The following PAK3 variants were observed in gnomAD, a reference collection of about 807,000 sequenced individuals.
The protein encoded by PAK3 is serine/threonine-protein kinase PAK 3.
In PAK3, 4 loss-of-function variants were observed where a neutral mutation model predicts 41.0. The observed-to-expected ratio is 0.10, with a 90% CI of 0.05 to 0.22. The LOEUF is 0.22. Ranked by LOEUF, PAK3 falls within the 10% of genes least tolerant of loss-of-function variation. The pLI is 1.00. For synonymous variants in PAK3, 146 were observed against 139.6 expected (o/e 1.05, Z -0.32); for missense variants, 205 against 409.9 (o/e 0.50, Z 4.32).
chrX:111,132,389 C>A (rs889328332), intron 5 of PAK3, among the ~76,000 whole-genome samples: 2 of 111,129 alleles, frequency 1.8e-5, no homozygotes, highest in African/African-American at 6.5e-5. Context: ...CCTGTGACTA[C>A]AAAAGTTGCT....
chrX:111,037,069 C>T (rs1000162219), intron 1 of PAK3, among the ~76,000 whole-genome samples: 1 of 111,104 alleles, frequency 9.0e-6, no homozygotes, highest in East Asian at 2.8e-4. Flanking sequence ...CCCAGCCTCC[C>T]GAGCAGTCGG....
At chrX:110,948,221 A>G (rs758867850) in intron 1 of PAK3, among the ~76,000 whole-genome samples, 1 of 112,355 alleles carries the variant, frequency 8.9e-6, no homozygotes, top group Admixed American at 9.4e-5. Context: ...AGGTATCATC[A>G]GTACAGCCTT....
At chrX:111,187,379 T>C (rs2094521089) in intron 11 of PAK3, among the ~76,000 whole-genome samples, 2 of 112,124 alleles carry the variant, frequency 1.8e-5, no homozygotes, top group African/African-American at 6.5e-5. Context: ...ATAATAATTA[T>C]CATTACTGCT....
intron 1 of PAK3, among the ~76,000 whole-genome samples, chrX:110,945,233 G>T (rs893897655): frequency 9.0e-6 from 1 of 111,608 alleles, no homozygotes; most frequent in Non-Finnish European, 1.9e-5. Context: ...GTGTGTGTGT[G>T]TGTGTGTGCG....
chrX:111,021,458 C>A (rs948412701), intron 1 of PAK3, among the ~76,000 whole-genome samples: 1 of 111,951 alleles, frequency 8.9e-6, no homozygotes, highest in Non-Finnish European at 1.9e-5. Context: ...TACAGCTTAG[C>A]TCTCAGGAAG....
chrX:111,042,092 A>G (rs1250826441), intron 1 of PAK3, among the ~76,000 whole-genome samples: 2 of 112,050 alleles, frequency 1.8e-5, no homozygotes, highest in East Asian at 5.7e-4. Context: ...CCTGCTCATA[A>G]TAAGAAATTA....
chrX:110,978,694 TTCTC>T (rs1264180540), intron 1 of PAK3, among the ~76,000 whole-genome samples: 6 of 108,437 alleles, frequency 5.5e-5, no homozygotes, highest in African/African-American at 1.4e-4. Context: ...CTTTCTTTCT[TTCTC>T]TCTGTCTCTT....
intron 1 of PAK3, among the ~76,000 whole-genome samples, chrX:110,947,304 A>T (rs1349195206): frequency 8.9e-6 from 1 of 111,802 alleles, no homozygotes; most frequent in African/African-American, 3.3e-5. Context: ...TTGATGGCCT[A>T]GGGTACTTTG....
intron 5 of PAK3, among the ~76,000 whole-genome samples, chrX:111,128,793 T>G (rs1305511195): frequency 1.8e-5 from 2 of 112,181 alleles, no homozygotes; most frequent in Admixed American, 1.9e-4. Flanking sequence ...AAGAAAGAAC[T>G]TTTTCACATA....
chrX:111,219,277 C>T (rs1246239533), intron 17 of PAK3, among the ~76,000 whole-genome samples: 2 of 107,288 alleles, frequency 1.9e-5, no homozygotes, highest in Non-Finnish European at 3.8e-5. Context: ...AGAGAGTACC[C>T]GGTAGCTTAT....
chrX:111,120,704 A>T (rs1159697681), intron 4 of PAK3, among the ~76,000 whole-genome samples: 4 of 111,991 alleles, frequency 3.6e-5, no homozygotes, highest in African/African-American at 1.3e-4. Context: ...CTCTTTTTAG[A>T]AATTTGTCTT....
In PAK3 at chrX:111,173,022, C is replaced by T. The variant is rs1307126288; in HGVS notation, c.771C>T (p.Ser257=). Residue 257 remains serine, a synonymous_variant, in exon 11 of 18, where the codon AGC becomes AGT. Coordinates refer to ENST00000372007, the MANE Select transcript of PAK3 (RefSeq NM_002578.5). ...CTCTCCCCACCCATCTCTTAGGAAG[C>T]ATTGTGAGTGTTGGGGACCCAAAGA... ...TDEEILEKLR[S]IVSVGDPKKK... is the part of the protein sequence containing the mutation. 9.0e-7 allele frequency: 1 copy of T among 1,108,974 alleles called. No individual in the cohort carries two copies. The highest frequency in any genetic ancestry group is 1.8e-5 in the South Asian group (1 of 54,258). The allele number at this position is 1,108,974 out of a possible 1,213,427, so 91.4% of individuals were successfully genotyped here. A position where few individuals can be genotyped will look rare whatever the true frequency, so the allele number is the denominator to read the frequency against.
Position 111,195,923 on chromosome X carries a change from G to A in PAK3, c.1192G>A (p.Asp398Asn). 1 of 1,132,853 alleles carries A rather than the reference G, an allele frequency of 8.8e-7. No homozygotes were observed. The highest frequency in any genetic ancestry group is 1.8e-5 in the South Asian group (1 of 55,206). The allele number at this position is 1,132,853 out of a possible 1,213,427, so 93.4% of individuals were successfully genotyped here. ...GAGTGACAATATTCTTCTCGGGATG[G>A]ATGGCTCTGTTAAATTGAGTAGGTA... ...IKSDNILLGMDGSVKLTDFGF... is the reference protein window; with the variant it reads ...IKSDNILLGMNGSVKLTDFGF... The change falls in exon 15 of 18, where the codon GAT (aspartate) becomes AAT (asparagine). Residue 398 changes from aspartate to asparagine, a missense_variant. Coordinates refer to ENST00000372007, the MANE Select transcript of PAK3 (RefSeq NM_002578.5).
intron 10 of PAK3, among the ~76,000 whole-genome samples, chrX:111,167,885 C>T (rs1231474349): frequency 9.0e-6 from 1 of 110,974 alleles, no homozygotes; most frequent in Non-Finnish European, 1.9e-5. Context: ...AAAAAGGAAA[C>T]CACCACATTT....
chrX:111,180,963 TTC>T (rs1464820103), intron 11 of PAK3, among the ~76,000 whole-genome samples: 1 of 112,034 alleles, frequency 8.9e-6, no homozygotes, highest in Non-Finnish European at 1.9e-5. Context: ...GCATTTTTCT[TTC>T]TGAGTTACCC....
chrX:111,191,298 C>T (rs1410531444), intron 11 of PAK3, among the ~76,000 whole-genome samples: 4 of 110,682 alleles, frequency 3.6e-5, no homozygotes, highest in Non-Finnish European at 7.5e-5. Flanking sequence ...TGGATCTCAC[C>T]GTGGTGCCCA....
At chrX:111,036,075 T>G (rs888410077) in intron 1 of PAK3, among the ~76,000 whole-genome samples, 47 of 112,384 alleles carry the variant, frequency 4.2e-4, no homozygotes, top group African/African-American at 1.3e-3. Flanking sequence ...ATCCATCAGT[T>G]CATCAGTCTC....
intron 1 of PAK3, among the ~76,000 whole-genome samples, chrX:110,981,225 A>G (rs2091442016): frequency 8.9e-6 from 1 of 112,008 alleles, no homozygotes; most frequent in Non-Finnish European, 1.9e-5. Flanking sequence ...GTCATGAAAG[A>G]TAAGAAAAAC....
At chrX:111,210,399 A>G (rs1237391509) in intron 16 of PAK3, among the ~76,000 whole-genome samples, 1 of 110,940 alleles carries the variant, frequency 9.0e-6, no homozygotes, top group African/African-American at 3.3e-5. Context: ...TTTGGTGATG[A>G]CATCCCCTTA....
Sources: gnomAD v4.1 joint callset for allele counts (sites outside exome capture counted in the v4.1 genomes callset) on GRCh38, gnomAD v4.1.1 for gene constraint, MANE v1.5 for transcripts, NCBI Gene and HGNC (gene_info 2026-07-23, HGNC 2026-07-21) for gene names.